The following ATP8A2 variants were observed in gnomAD, a reference collection of about 807,000 sequenced individuals.
The protein encoded by ATP8A2 is ATPase phospholipid transporting 8A2, also known as phospholipid-transporting ATPase IB.
Under a neutral mutation model 165.6 loss-of-function variants are expected in ATP8A2, and 100 were observed. The ratio of observed to expected loss-of-function variants is 0.60; its 90% CI spans 0.51 to 0.71. The LOEUF is 0.71. Among genes scored for constraint, ATP8A2 ranks in the 30% least tolerant of loss-of-function variants. The probability of loss-of-function intolerance (pLI) is 0.00; values close to 1 mark genes in which losing one functional copy is unlikely to be tolerated. For missense variants in ATP8A2, 1,227 were observed against 1,479.5 expected (o/e 0.83, Z 2.80); for synonymous variants, 543 against 548.8 (o/e 0.99, Z 0.15).
chr13:25,941,131 G>A (rs919932674), intron 33 of ATP8A2, among the ~76,000 whole-genome samples: 4 of 152,120 alleles, frequency 2.6e-5, no homozygotes, highest in Non-Finnish European at 5.9e-5. Flanking sequence ...CCTCAGAGCC[G>A]CTAGTTCCAC....
chr13:25,658,904 T>C (rs1056234260), intron 24 of ATP8A2, among the ~76,000 whole-genome samples: 1 of 152,178 alleles, frequency 6.6e-6, no homozygotes, highest in African/African-American at 2.4e-5. Flanking sequence ...CTGGTACTAC[T>C]GTAGTCTGCT....
intron 23 of ATP8A2, among the ~76,000 whole-genome samples, chr13:25,589,087 TTTCG>T (rs1274870535): frequency 6.6e-6 from 1 of 152,172 alleles, no homozygotes; most frequent in East Asian, 1.9e-4. Flanking sequence ...CTAGGAGTAC[TTTCG>T]TTCCAAATAA....
chr13:25,872,600 G>A (rs61947362), intron 33 of ATP8A2, among the ~76,000 whole-genome samples: 17,934 of 152,098 alleles, frequency 0.12, 1,452 homozygotes, highest in Non-Finnish European at 0.18. Context: ...GACAGCGTTG[G>A]GTAGAAGCGA....
rs772056978 is a variant in ATP8A2 at position 25,574,794 on chromosome 13, T to C, written c.1663-14T>C. ...CTTTGCACCTCGGTTAAGAGCCTAT[T>C]TTTCTTCCTTTAGATGGGACAGGAA... On this transcript the variant is annotated splice_polypyrimidine_tract_variant and intron_variant, in intron 18 of 36. Coordinates refer to ENST00000381655, the MANE Select transcript of ATP8A2 (RefSeq NM_016529.6). The C allele has an allele frequency of 2.6e-6, 4 of 1,524,624 alleles. No individual in the cohort carries two copies. The African/African-American group carries it at 4.1e-5, about 16-fold the overall frequency. The allele number at this position is 1,524,624 out of a possible 1,614,324, so 94.4% of individuals were successfully genotyped here. A position where few individuals can be genotyped will look rare whatever the true frequency, so the allele number is the denominator to read the frequency against.
chr13:25,535,201 C>T (rs1170497516), intron 6 of ATP8A2, among the ~76,000 whole-genome samples: 2 of 152,144 alleles, frequency 1.3e-5, no homozygotes, highest in Non-Finnish European at 2.9e-5. Flanking sequence ...CAGGAGAGGG[C>T]AGAGGTGTCA....
intron 1 of ATP8A2, among the ~76,000 whole-genome samples, chr13:25,387,822 G>T (rs1184854381): frequency 6.6e-6 from 1 of 152,086 alleles, no homozygotes; most frequent in Non-Finnish European, 1.5e-5. Context: ...CCAGCACTTT[G>T]GGAGGGCAGG....
intron 29 of ATP8A2, 104 bp downstream of exon 29, chr13:25,837,389 G>A: frequency 7.5e-7 from 1 of 1,329,832 alleles, no homozygotes; most frequent in Non-Finnish European, 1.0e-6. Context: ...GAACATTTGA[G>A]AAGTGCTGAA....
chr13:25,568,296 C>A (rs2039373503), intron 16 of ATP8A2, among the ~76,000 whole-genome samples: 1 of 152,168 alleles, frequency 6.6e-6, no homozygotes, highest in Admixed American at 6.5e-5. Context: ...ATATAACTTT[C>A]TTTTGAATCA....
intron 1 of ATP8A2, among the ~76,000 whole-genome samples, chr13:25,445,571 T>G (rs2035045119): frequency 1.3e-5 from 2 of 152,180 alleles, no homozygotes; most frequent in Admixed American, 6.5e-5. Context: ...TAAAAAAAAT[T>G]TTAGCCAAAA....
At chr13:25,574,486 T>C (rs9581398) in intron 18 of ATP8A2, among the ~76,000 whole-genome samples, 8,056 of 152,326 alleles carry the variant, frequency 0.053, 280 homozygotes, top group South Asian at 0.14. Flanking sequence ...AATATGTCTA[T>C]ATAATTTGTA....
chr13:25,731,146 T>TG (rs1566085162), intron 25 of ATP8A2, among the ~76,000 whole-genome samples: 8 of 22,638 alleles, frequency 3.5e-4, no homozygotes, highest in African/African-American at 1.2e-3. Flanking sequence ...GAGAGAGAAA[T>TG]AAAAGAAAGA....
chr13:25,859,761 A>C (rs922726164), intron 30 of ATP8A2, among the ~76,000 whole-genome samples: 1 of 152,216 alleles, frequency 6.6e-6, no homozygotes, highest in Admixed American at 6.5e-5. Context: ...TTTAATATGC[A>C]TGTAGTTATC....
At chr13:25,936,484 A>G (rs1226726681) in intron 33 of ATP8A2, among the ~76,000 whole-genome samples, 1 of 152,266 alleles carries the variant, frequency 6.6e-6, no homozygotes, top group Non-Finnish European at 1.5e-5. Context: ...AATGTTTTCC[A>G]GGTATCCCTT....
intron 35 of ATP8A2, among the ~76,000 whole-genome samples, chr13:25,978,834 A>G (rs952940571): frequency 1.3e-5 from 2 of 151,954 alleles, no homozygotes; most frequent in East Asian, 1.9e-4. Flanking sequence ...CAGCTACTTG[A>G]GAGGCTGAGG....
intron 24 of ATP8A2, among the ~76,000 whole-genome samples, chr13:25,665,976 G>T (rs57341105): frequency 0.035 from 5,251 of 150,448 alleles, 152 homozygotes; most frequent in East Asian, 0.13. Context: ...TTAACGTTAA[G>T]AATGCTGTTT....
chr13:25,636,004 G>A (rs1432700286), intron 24 of ATP8A2, among the ~76,000 whole-genome samples: 64 of 152,164 alleles, frequency 4.2e-4, no homozygotes, highest in Non-Finnish European at 5.9e-5. Context: ...CCTGGAGGAT[G>A]GACGAGGAAA....
chr13:25,558,292 C>T (rs955641421), intron 13 of ATP8A2, among the ~76,000 whole-genome samples: 1 of 152,026 alleles, frequency 6.6e-6, no homozygotes, highest in African/African-American at 2.4e-5. Flanking sequence ...TTTTCCATAC[C>T]CCTAGACTTA....
In ATP8A2 at chr13:25,786,754, G is replaced by GATTTTTTTTTTTTTTTTTTTT. The variant is rs58430501; in HGVS notation, c.2679+11795_2679+11796insATTTTTTTTTTTTTTTTTTTT. On this transcript the variant is annotated intron_variant, in intron 27 of 36. Transcript: ENST00000381655. ...AACCCTTTTTAATGCACAATTCTAT[G>GATTTTTTTTTTTTTTTTTTTT]TTTTTTTTTTTTTTTTTTTGAGACA... Among the ~76,000 whole-genome samples, 2 of 134,644 alleles carry GATTTTTTTTTTTTTTTTTTTT rather than the reference G, an allele frequency of 1.5e-5. 1 individual carries two copies. The allele number at this position is 134,644 out of a possible 152,430, so 88.3% of individuals were successfully genotyped here.
At chr13:26,007,752 C>A (rs921028407) in intron 35 of ATP8A2, among the ~76,000 whole-genome samples, 39 of 152,004 alleles carry the variant, frequency 2.6e-4, no homozygotes, top group African/African-American at 9.2e-4. Context: ...GGAGGTGAAG[C>A]CAAGGAGGCT....
Sources: allele counts gnomAD v4.1 joint callset (sites outside exome capture counted in the v4.1 genomes callset), GRCh38; gene constraint gnomAD v4.1.1; transcripts MANE v1.5; gene names NCBI Gene and HGNC (gene_info 2026-07-23, HGNC 2026-07-21).